The following ZNF704 variants were observed in gnomAD, a reference collection of about 807,000 sequenced individuals.
ZNF704 encodes glucocorticoid induced gene 1.
A neutral mutation model predicts 44.7 loss-of-function variants in ZNF704; 10 were observed. The observed-to-expected ratio is 0.22, with a 90% CI of 0.14 to 0.38. The LOEUF is 0.38. Ranked by LOEUF, ZNF704 falls within the 10% of genes least tolerant of loss-of-function variation. The pLI, the probability that ZNF704 is intolerant of heterozygous loss-of-function variation, is 1.00. For synonymous variants in ZNF704, 211 were observed against 207.6 expected, an observed-to-expected ratio of 1.02 and a Z score of -0.14; for missense variants, 390 against 545.5, an observed-to-expected ratio of 0.71 and a Z score of 2.84.
intron 2 of ZNF704, among the ~76,000 whole-genome samples, chr8:80,795,092 C>T (rs1807775307): frequency 6.6e-6 from 1 of 152,122 alleles, no homozygotes; most frequent in Admixed American, 6.5e-5. Flanking sequence ...GGGAATCTCC[C>T]ATCCCAATGC....
chr8:80,687,203 A>C, intron 4 of ZNF704, 23 bp downstream of exon 4: 8 of 1,596,846 alleles, frequency 5.0e-6, no homozygotes, highest in Non-Finnish European at 6.8e-6. Context: ...TGAATGCAGA[A>C]GACCGCGTGG....
At chr8:80,793,508 A>C (rs1807747998) in intron 2 of ZNF704, among the ~76,000 whole-genome samples, 1 of 152,106 alleles carries the variant, frequency 6.6e-6, no homozygotes, top group Non-Finnish European at 1.5e-5. Flanking sequence ...AAAAAGTTCA[A>C]AACATCATGT....
intron 1 of ZNF704, among the ~76,000 whole-genome samples, chr8:80,827,981 C>T (rs1464580225): frequency 6.6e-6 from 1 of 152,110 alleles, no homozygotes; most frequent in East Asian, 1.9e-4. Flanking sequence ...AGAAGAAAAC[C>T]TAGGCAATAC....
chr8:80,820,912 G>GAA (rs750108007), intron 2 of ZNF704, among the ~76,000 whole-genome samples: 2 of 139,816 alleles, frequency 1.4e-5, no homozygotes, highest in South Asian at 2.3e-4. Context: ...TCTCTATTTG[G>GAA]AAAAAAAAAA....
chr8:80,717,528 G>A (rs180989339), intron 2 of ZNF704, among the ~76,000 whole-genome samples: 1 of 152,330 alleles, frequency 6.6e-6, no homozygotes, highest in East Asian at 1.9e-4. Context: ...AGATTCGAGA[G>A]AGAATGTGCA....
chr8:80,879,268 G>A (rs528044243), upstream of ZNF704, among the ~76,000 whole-genome samples: 8 of 148,194 alleles, frequency 5.4e-5, no homozygotes, highest in Non-Finnish European at 7.4e-5. Flanking sequence ...ATGGGGTCTC[G>A]CTCTGTTGCC....
At chr8:80,711,835 C>T (rs1818992115) in intron 2 of ZNF704, among the ~76,000 whole-genome samples, 1 of 152,144 alleles carries the variant, frequency 6.6e-6, no homozygotes, top group South Asian at 2.1e-4. Context: ...AAAGGGGAAG[C>T]AGTGAAGGTA....
At chr8:80,853,836 G>A (rs1228867223) in intron 1 of ZNF704, among the ~76,000 whole-genome samples, 5 of 152,142 alleles carry the variant, frequency 3.3e-5, no homozygotes, top group Non-Finnish European at 7.4e-5. Context: ...GTGTTTTCTG[G>A]GGAAGGAAGG....
intron 1 of ZNF704, among the ~76,000 whole-genome samples, chr8:80,830,900 G>A (rs1808460963): frequency 6.6e-6 from 1 of 151,760 alleles, no homozygotes; most frequent in Admixed American, 6.6e-5. Flanking sequence ...TGGGATTACA[G>A]GCACCTGCCA....
upstream of ZNF704, among the ~76,000 whole-genome samples, chr8:80,877,909 A>T (rs1809378086): frequency 6.6e-6 from 1 of 152,218 alleles, no homozygotes; most frequent in South Asian, 2.1e-4. Flanking sequence ...AGTATAAAGA[A>T]ATGTGCATTT....
chr8:80,699,625 C>A (rs998051154), intron 2 of ZNF704, among the ~76,000 whole-genome samples: 3 of 152,298 alleles, frequency 2.0e-5, no homozygotes, highest in Admixed American at 2.0e-4. Flanking sequence ...TGGAAAATTT[C>A]TGCACCCCTT....
chr8:80,881,967 C>T, the ZNF704 span, among the ~76,000 whole-genome samples: 1 of 152,132 alleles, frequency 6.6e-6, no homozygotes, highest in Non-Finnish European at 1.5e-5. Flanking sequence ...TCAAATATTA[C>T]AGTTAATTTA....
At chr8:80,863,322 G>A (rs935155195) in intron 1 of ZNF704, among the ~76,000 whole-genome samples, 10 of 152,120 alleles carry the variant, frequency 6.6e-5, no homozygotes, top group Non-Finnish European at 2.9e-5. Flanking sequence ...CTACATGAAA[G>A]CATTTATGAC....
chr8:80,688,107 C>T (rs1818572166), intron 3 of ZNF704, among the ~76,000 whole-genome samples: 1 of 151,984 alleles, frequency 6.6e-6, no homozygotes, highest in Non-Finnish European at 1.5e-5. Context: ...ACTCTGGAGG[C>T]TGAGGAGGGA....
chr8:80,758,204 A>G (rs1460484503), intron 2 of ZNF704, among the ~76,000 whole-genome samples: 1 of 152,250 alleles, frequency 6.6e-6, no homozygotes, highest in Non-Finnish European at 1.5e-5. Flanking sequence ...GCAAAGGCTC[A>G]GCTAGTCACC....
chr8:80,795,669 G>C (rs1807787583), intron 2 of ZNF704, among the ~76,000 whole-genome samples: 1 of 147,590 alleles, frequency 6.8e-6, no homozygotes, highest in South Asian at 2.1e-4. Context: ...AGTGAGCCGA[G>C]ATCGTGCCAT....
chr8:80,740,369 G>A (rs112284658), intron 2 of ZNF704, among the ~76,000 whole-genome samples: 31 of 152,258 alleles, frequency 2.0e-4, no homozygotes, highest in African/African-American at 7.2e-4. Context: ...AAGAATGCCT[G>A]TCCTGTTCAA....
chr8:80,752,771 C>G (rs534825562), intron 2 of ZNF704, among the ~76,000 whole-genome samples: 28 of 152,246 alleles, frequency 1.8e-4, no homozygotes, highest in African/African-American at 6.7e-4. Flanking sequence ...AAACTCCCGA[C>G]CTCAGGTGAT....
chr8:80,697,939 G>A (rs974256761), intron 2 of ZNF704, among the ~76,000 whole-genome samples: 2 of 152,214 alleles, frequency 1.3e-5, no homozygotes, highest in African/African-American at 4.8e-5. Context: ...CTGGCAACTG[G>A]CTCATGGAGA....
Sources: gnomAD v4.1 joint callset for allele counts (sites outside exome capture counted in the v4.1 genomes callset) on GRCh38, gnomAD v4.1.1 for gene constraint, MANE v1.5 for transcripts, NCBI Gene and HGNC (gene_info 2026-07-23, HGNC 2026-07-21) for gene names.